Variants in CYP2B6 observed in about 807,000 individuals in gnomAD.
CYP2B6 encodes cytochrome P450 2B6.
A neutral mutation model predicts 43.4 loss-of-function variants in CYP2B6; 35 were observed. That is an observed-to-expected ratio of 0.81 (90% CI 0.62 to 1.07). CYP2B6 has a LOEUF of 1.07. CYP2B6 is among the 50% of genes least tolerant of loss of function. CYP2B6 has a pLI of 0.00. For missense variants in CYP2B6, 624 were observed against 632.8 expected, an observed-to-expected ratio of 0.99 and a Z score of 0.15; for synonymous variants, 239 against 239.2, an observed-to-expected ratio of 1.00 and a Z score of 0.01.
chr19:40,996,540 A>T (rs1179835506), intron 1 of CYP2B6, among the ~76,000 whole-genome samples: 1 of 152,184 alleles, frequency 6.6e-6, no homozygotes, highest in Non-Finnish European at 1.5e-5. Flanking sequence ...AGTGCCAGAA[A>T]TATATCACCT....
chr19:41,001,520 C>T (rs1969087353), intron 1 of CYP2B6, among the ~76,000 whole-genome samples: 1 of 152,072 alleles, frequency 6.6e-6, no homozygotes, highest in African/African-American at 2.4e-5. Context: ...CAGATTCAAC[C>T]CGTATGCATT....
chr19:41,012,576 G>A, intron 7 of CYP2B6, 91 bp downstream of exon 7: 4 of 1,609,412 alleles, frequency 2.5e-6, no homozygotes, highest in South Asian at 1.1e-5. Flanking sequence ...CTCCTTAATT[G>A]AGTCCCGTTG....
chr19:40,999,694 T>C (rs1248656120), intron 1 of CYP2B6, among the ~76,000 whole-genome samples: 2 of 152,080 alleles, frequency 1.3e-5, no homozygotes, highest in Non-Finnish European at 2.9e-5. Flanking sequence ...TTTTTTTCAT[T>C]TTAATTGTTT....
intron 8 of CYP2B6, among the ~76,000 whole-genome samples, chr19:41,014,959 C>G (rs1383812238): frequency 1.3e-5 from 2 of 150,984 alleles, no homozygotes; most frequent in Non-Finnish European, 2.9e-5. Context: ...AAAGAATGAA[C>G]AAGACAAATA....
intron 8 of CYP2B6, among the ~76,000 whole-genome samples, chr19:41,013,439 A>G (rs1432419088): frequency 1.2e-3 from 187 of 152,300 alleles, no homozygotes; most frequent in African/African-American, 4.4e-3. Context: ...CTTCCAAGCT[A>G]ACATGTTCAT....
In CYP2B6 at chr19:41,018,141, G is replaced by A. The variant is rs1319419069; in HGVS notation, c.*1314G>A. 1 of 152,206 alleles carries A rather than the reference G, an allele frequency of 6.6e-6. No homozygotes were observed. The highest frequency in any genetic ancestry group is 6.5e-5 in the Admixed American group (1 of 15,272). The allele number at this position is 152,206 out of a possible 1,614,324, so 9.4% of individuals were successfully genotyped here. A position where few individuals can be genotyped will look rare whatever the true frequency, so the allele number is the denominator to read the frequency against. On this transcript the variant is annotated 3_prime_UTR_variant, in exon 9 of 9. Transcript: ENST00000324071. ...TTACAGGCATAATATGTGATCTTTT[G>A]TGTCTGGTTGCTTTCATGTTGAATG...
In CYP2B6 at chr19:41,004,119, G is replaced by C; in HGVS notation, c.290G>C (p.Gly97Ala). Residue 97 changes from glycine (G) to alanine (A), a missense_variant, in exon 2 of 9, where the codon GGC becomes GCC. Transcript: ENST00000324071. ...ALVDKAEAFS[G>A]RGKIAMVDPF... ...GTGGACAAGGCTGAGGCCTTCTCTG[G>C]CCGGGGAAAAATCGCCATGGTCGAC... 1.2e-6 allele frequency: 2 copies of C among 1,612,890 alleles called. No homozygotes were observed. Among genetic ancestry groups the C allele is most frequent in the Non-Finnish European group, 1.7e-6 (2 of 1,179,852 alleles).
intron 1 of CYP2B6, among the ~76,000 whole-genome samples, chr19:41,002,457 C>T (rs529798590): frequency 8.1e-4 from 123 of 152,192 alleles, no homozygotes; most frequent in African/African-American, 2.8e-3. Flanking sequence ...AAGAATGCCC[C>T]GAAACCCTGC....
chr19:40,992,796 A>G (rs1263849588), intron 1 of CYP2B6, among the ~76,000 whole-genome samples: 1 of 152,172 alleles, frequency 6.6e-6, no homozygotes, highest in Non-Finnish European at 1.5e-5. Flanking sequence ...CTAGGATTAC[A>G]TGTGTGAGCC....
chr19:40,991,763 A>G (rs1286216652), intron 1 of CYP2B6, among the ~76,000 whole-genome samples: 1 of 152,154 alleles, frequency 6.6e-6, no homozygotes, highest in Non-Finnish European at 1.5e-5. Flanking sequence ...TTACAGGCAG[A>G]AAAAGGAGGT....
chr19:41,004,851 G>A (rs1022247689), intron 3 of CYP2B6, among the ~76,000 whole-genome samples: 1 of 151,918 alleles, frequency 6.6e-6, no homozygotes, highest in Non-Finnish European at 1.5e-5. Flanking sequence ...AGTGAGCCAC[G>A]CATGGTGGTG....
intron 3 of CYP2B6, among the ~76,000 whole-genome samples, chr19:41,005,623 A>G (rs535404253): frequency 1.3e-3 from 198 of 152,112 alleles, no homozygotes; most frequent in African/African-American, 4.6e-3. Flanking sequence ...TGTGCTAAAA[A>G]TACAAAAATT....
At chr19:40,999,495 C>T (rs2144662464) in intron 1 of CYP2B6, among the ~76,000 whole-genome samples, 1 of 152,044 alleles carries the variant, frequency 6.6e-6, no homozygotes, top group South Asian at 2.1e-4. Context: ...AAGTCCTTGC[C>T]CATGCCTATG....
chr19:41,008,042 C>T (rs542886569), intron 4 of CYP2B6, among the ~76,000 whole-genome samples: 188 of 150,936 alleles, frequency 1.2e-3, no homozygotes, highest in African/African-American at 4.5e-3. Context: ...CCCATTTCTC[C>T]TTCTCCCTCT....
In CYP2B6 at chr19:41,006,838, G is replaced by A; in HGVS notation, c.485-67G>A. 4 of 1,444,982 alleles carry A rather than the reference G, an allele frequency of 2.8e-6. No individual in the cohort carries two copies. In the South Asian group the frequency reaches 3.5e-5, roughly 13 times the overall value. The allele number at this position is 1,444,982 out of a possible 1,614,324, so 89.5% of individuals were successfully genotyped here. A position where few individuals can be genotyped will look rare whatever the true frequency, so the allele number is the denominator to read the frequency against. On this transcript the variant is annotated intron_variant, in intron 3 of 8. Coordinates refer to ENST00000324071, the MANE Select transcript of CYP2B6 (RefSeq NM_000767.5). ...GAGTGATGGCAGACAATCACACAGA[G>A]ATAGGTGACAGCCTGATGTTCCCCA...
At chr19:40,993,436 G>A (rs1968952283) in intron 1 of CYP2B6, among the ~76,000 whole-genome samples, 1 of 152,160 alleles carries the variant, frequency 6.6e-6, no homozygotes, top group South Asian at 2.1e-4. Context: ...TGAAGGAGAA[G>A]CAAGTACCTT....
At chr19:41,012,552 C>T in intron 7 of CYP2B6, 67 bp downstream of exon 7, 1 of 1,610,734 alleles carries the variant, frequency 6.2e-7, no homozygotes, top group Non-Finnish European at 8.5e-7. Context: ...TCCCCGAACT[C>T]AACCTTTTGT....
intron 8 of CYP2B6, among the ~76,000 whole-genome samples, chr19:41,013,568 C>A (rs577534933): frequency 5.9e-5 from 9 of 152,178 alleles, no homozygotes; most frequent in Admixed American, 3.9e-4. Flanking sequence ...GTCCAGTGAG[C>A]CTTGGGTGTA....
rs1969198901 is a variant in CYP2B6 at position 41,006,990 on chromosome 19, C to T, written c.570C>T (p.Tyr190=). 1.2e-6 allele frequency: 2 copies of T among 1,613,944 alleles called. No homozygotes were observed. Among genetic ancestry groups the T allele is most frequent in the Admixed American group, 1.7e-5 (1 of 59,990 alleles). ...CSIVFGKRFH[Y]QDQEFLKMLN... ...TCGTCTTTGGAAAACGATTCCACTA[C>T]CAAGATCAAGAGTTCCTGAAGATGC... The change falls in exon 4 of 9, where the codon TAC becomes TAT. Residue 190 remains tyrosine, a synonymous_variant. Transcript: ENST00000324071.
Sources: gnomAD v4.1 joint callset for allele counts (sites outside exome capture counted in the v4.1 genomes callset) on GRCh38, gnomAD v4.1.1 for gene constraint, MANE v1.5 for transcripts, NCBI Gene and HGNC (gene_info 2026-07-23, HGNC 2026-07-21) for gene names.